Variants in KAT8 observed in about 807,000 individuals in gnomAD.
The protein encoded by KAT8 is lysine acetyltransferase 8.
In KAT8, 40 loss-of-function variants were observed where a neutral mutation model predicts 62.9. The observed-to-expected ratio is 0.64, with a 90% CI of 0.49 to 0.83. The LOEUF is 0.83. Ranked by LOEUF, KAT8 falls within the 40% of genes least tolerant of loss-of-function variation. The pLI, the probability that KAT8 is intolerant of heterozygous loss-of-function variation, is 0.00. For missense variants in KAT8, 387 were observed against 614.8 expected (o/e 0.63, Z 3.92); for synonymous variants, 278 against 254.5 (o/e 1.09, Z -0.88).
Position 31,130,729 on chromosome 16 carries a change from C to T in KAT8, c.1158-17C>T, listed in dbSNP as rs773104441. The stretch of plus-strand genomic sequence containing the variant: ...AAGGGCACCAGGTCTGGCATTTGCT[C>T]TCATCCCTTTTTGCAGCCAGATGAC... On this transcript the variant is annotated splice_polypyrimidine_tract_variant and intron_variant, in intron 9 of 10. Transcript: ENST00000219797. 6.2e-7 allele frequency: 1 copy of T among 1,613,868 alleles called. No homozygotes were observed. The highest frequency in any genetic ancestry group is 1.7e-5 in the Admixed American group (1 of 60,020).
At chr16:31,120,146 G>T (rs749020393) in intron 1 of KAT8, 40 bp from the exon 2 acceptor site, 2 of 1,565,322 alleles carry the variant, frequency 1.3e-6, no homozygotes, top group Non-Finnish European at 1.8e-6. Flanking sequence ...TTTTGTTCCA[G>T]CCTTACCTTC....
Position 31,130,598 on chromosome 16 carries a change from G to T in KAT8, c.1149G>T (p.Lys383Asn). 6.2e-7 allele frequency: 1 copy of T among 1,614,188 alleles called. No homozygotes were observed. Among genetic ancestry groups the T allele is most frequent in the African/African-American group, 1.3e-5 (1 of 75,070 alleles). ...ACTTCCGGGGCACACTGTCCATCAA[G>T]GACCTCAGGTGAGGGGGCCTCCCGG... ...LRDFRGTLSI[K>N]DLSQMTSITQ... The change falls in exon 9 of 11, where the codon AAG becomes AAT. Residue 383 changes from lysine (K) to asparagine (N), a missense_variant. Lys to Asn is a moderately conservative substitution (Grantham distance 94). This residue lies in a region of KAT8 where 75 missense variants were observed against 105.7 expected (regional missense o/e 0.71). Transcript: ENST00000219797.
chr16:31,130,712 C>T, intron 9 of KAT8, 34 bp from the exon 10 acceptor site: 2 of 1,612,630 alleles, frequency 1.2e-6, no homozygotes, highest in East Asian at 2.2e-5. Context: ...ACAAGGGCAC[C>T]AGGTCTGGCA....
At chr16:31,121,789 A>G (rs11649030) in intron 3 of KAT8, among the ~76,000 whole-genome samples, 35,156 of 151,358 alleles carry the variant, frequency 0.23, 5,138 homozygotes, top group Non-Finnish European at 0.34. Context: ...GTCTTACTCT[A>G]TCGTCTAGGC....
At chr16:31,129,365 T>A (rs2057555399) in intron 6 of KAT8, among the ~76,000 whole-genome samples, 1 of 152,174 alleles carries the variant, frequency 6.6e-6, no homozygotes. Context: ...CCAACTGCGC[T>A]CTGCCAGCTT....
chr16:31,127,011 G>A, intron 3 of KAT8, 24 bp from the exon 4 acceptor site: 3 of 1,613,936 alleles, frequency 1.9e-6, no homozygotes, highest in Non-Finnish European at 2.5e-6. Flanking sequence ...GTTCACCTCT[G>A]CCCACTTTTC....
chr16:31,119,171 G>T (rs2057474118), intron 1 of KAT8, among the ~76,000 whole-genome samples: 1 of 152,148 alleles, frequency 6.6e-6, no homozygotes, highest in African/African-American at 2.4e-5. Flanking sequence ...GTTTGTTTGA[G>T]ATGGAATCGC....
At chr16:31,124,802 G>A (rs148158637) in intron 3 of KAT8, among the ~76,000 whole-genome samples, 2,008 of 150,598 alleles carry the variant, frequency 0.013, 53 homozygotes, top group African/African-American at 0.047. Context: ...CAAGGTGGGT[G>A]GATCATCTGA....
At position 31,130,593 on chromosome 16, in the gene KAT8, A is replaced by G. The variant is rs769624327; in HGVS notation, c.1144A>G (p.Ile382Val). 1 of 1,614,144 alleles carries G rather than the reference A, an allele frequency of 6.2e-7. No homozygotes were observed. The highest frequency in any genetic ancestry group is 1.1e-5 in the South Asian group (1 of 91,078). The change falls in exon 9 of 11, where the codon ATC (isoleucine) becomes GTC (valine). Residue 382 changes from isoleucine to valine, a missense_variant. By Grantham distance (29) the Ile-to-Val change is conservative (BLOSUM62 3). Coordinates refer to ENST00000219797, the MANE Select transcript of KAT8 (RefSeq NM_032188.3). ...ILRDFRGTLS[I>V]KDLSQMTSIT... The stretch of plus-strand genomic sequence containing the variant: ...GCGGGACTTCCGGGGCACACTGTCC[A>G]TCAAGGACCTCAGGTGAGGGGGCCT...
At chr16:31,123,445 C>G (rs1672694750) in intron 3 of KAT8, among the ~76,000 whole-genome samples, 1 of 152,046 alleles carries the variant, frequency 6.6e-6, no homozygotes, top group African/African-American at 2.4e-5. Flanking sequence ...CTGACCTCAA[C>G]TGATCCGCCT....
intron 5 of KAT8, 61 bp downstream of exon 5, chr16:31,127,414 T>C (rs1765708156): frequency 1.3e-6 from 2 of 1,582,458 alleles, no homozygotes; most frequent in African/African-American, 1.4e-5. Context: ...GAGGCAGGCA[T>C]GGAGACTGAG....
chr16:31,127,432 G>A (rs2057540654), intron 5 of KAT8, 79 bp downstream of exon 5: 1 of 1,473,964 alleles, frequency 6.8e-7, no homozygotes, highest in Non-Finnish European at 9.4e-7. Flanking sequence ...GAGGGCGGCT[G>A]CGCCGGCAGC....
downstream of KAT8, chr16:31,131,361 C>A: frequency 7.2e-7 from 1 of 1,394,084 alleles, no homozygotes; most frequent in Non-Finnish European, 9.9e-7. Flanking sequence ...GTTCTGGTGG[C>A]CCTGGACTTT....
At chr16:31,126,600 A>T in intron 3 of KAT8, 1 of 187,258 alleles carries the variant, frequency 5.3e-6, no homozygotes, top group Non-Finnish European at 1.1e-5. Flanking sequence ...CCTCTGGGGC[A>T]GTCGCATGGG....
intron 3 of KAT8, among the ~76,000 whole-genome samples, chr16:31,122,789 G>A (rs1446626243): frequency 6.6e-6 from 1 of 151,994 alleles, no homozygotes; most frequent in Non-Finnish European, 1.5e-5. Context: ...GCTGAGGTAG[G>A]AGAATGGCGT....
Position 31,127,316 on chromosome 16 carries a change from A to C in KAT8, c.644A>C (p.Lys215Thr). 1 of 1,614,254 alleles carries C rather than the reference A, an allele frequency of 6.2e-7. No individual in the cohort carries two copies. Among genetic ancestry groups the C allele is most frequent in the Non-Finnish European group, 8.5e-7 (1 of 1,180,040 alleles). ...PKLWLCEYCL[K>T]YMKYEKSYRF... ...CTCTGGCTCTGCGAGTACTGCCTCA[A>C]GTACATGAAATATGAGAAGAGCTAC... The change falls in exon 5 of 11, where the codon AAG (lysine) becomes ACG (threonine). Residue 215 changes from lysine (K) to threonine (T), a missense_variant. Transcript: ENST00000219797.
intron 3 of KAT8, 142 bp downstream of exon 3, chr16:31,120,656 C>A: frequency 1.4e-6 from 1 of 729,424 alleles, no homozygotes; most frequent in Non-Finnish European, 2.2e-6. Context: ...TACCTACTTC[C>A]TCTTACTTAC....
In KAT8 at chr16:31,130,896, C is replaced by T. The variant is rs770450270; in HGVS notation, c.1308C>T (p.Ile436=). ...GTGCCCAGTATAAGAAACCACCCAT[C>T]ACAGGTGGGTGGGGGGCTGCTGTGT... The part of the protein sequence containing the change: ...LKSAQYKKPP[I]TVDSVCLKWA... Residue 436 remains isoleucine, a synonymous_variant, in exon 10 of 11, where the codon ATC becomes ATT. Coordinates refer to ENST00000219797, the MANE Select transcript of KAT8 (RefSeq NM_032188.3). 1.9e-6 allele frequency: 3 copies of T among 1,610,972 alleles called. No individual in the cohort carries two copies. The highest frequency in any genetic ancestry group is 1.7e-6 in the Non-Finnish European group (2 of 1,179,524).
intron 8 of KAT8, 27 bp from the exon 9 acceptor site, chr16:31,130,429 C>T (rs1386201386): frequency 6.2e-7 from 1 of 1,614,108 alleles, no homozygotes; most frequent in South Asian, 1.1e-5. Flanking sequence ...AGGCTGGATC[C>T]TAAGTTCCTC....
Sources: gnomAD v4.1 joint callset for allele counts (sites outside exome capture counted in the v4.1 genomes callset) on GRCh38, gnomAD v4.1.1 for gene constraint, gnomAD v4.1.1 regional missense constraint, MANE v1.5 for transcripts, NCBI Gene and HGNC (gene_info 2026-07-23, HGNC 2026-07-21) for gene names.